The following ARFGEF3 variants were observed in gnomAD, a reference collection of about 807,000 sequenced individuals.
ARFGEF3 encodes brefeldin A-inhibited guanine nucleotide-exchange protein 3.
ARFGEF3 carries 96 observed loss-of-function variants against 221.7 expected under a neutral mutation model. The ratio of observed to expected loss-of-function variants is 0.43; its 90% CI spans 0.37 to 0.51. The LOEUF is 0.51. ARFGEF3 is among the 20% of genes least tolerant of loss of function. The pLI is 0.00. For synonymous variants in ARFGEF3, 1,145 were observed against 1,126.8 expected, an observed-to-expected ratio of 1.02 and a Z score of -0.32; for missense variants, 2,410 against 2,789.9, an observed-to-expected ratio of 0.86 and a Z score of 3.07.
chr6:138,180,853 T>A lies in ARFGEF3; in HGVS notation c.137+10140T>A, dbSNP rs141537886. Among the ~76,000 whole-genome samples, 294 of 152,212 alleles carry A rather than the reference T, an allele frequency of 1.9e-3. 1 individual carries two copies. Among genetic ancestry groups the A allele is most frequent in the African/African-American group, 6.7e-3 (277 of 41,532 alleles). On this transcript the variant is annotated intron_variant, in intron 2 of 33. Transcript: ENST00000251691. ...GAAAAATCTGTTTGCAAGGAGAGAG[T>A]GGCACATGGACTAGCGTTTAGCAGT...
At chr6:138,228,658 A>G (rs1035704139) in intron 4 of ARFGEF3, among the ~76,000 whole-genome samples, 18 of 152,198 alleles carry the variant, frequency 1.2e-4, no homozygotes, top group African/African-American at 4.1e-4. Context: ...TGAAGGAGCG[A>G]CTGTTCCTAG....
intron 13 of ARFGEF3, among the ~76,000 whole-genome samples, chr6:138,279,454 G>A (rs1583046343): frequency 1.3e-5 from 2 of 152,222 alleles, no homozygotes; most frequent in Non-Finnish European, 1.5e-5. Context: ...TGGTTGTCCT[G>A]TGGTTAGCTC....
At chr6:138,296,618 G>A (rs1386712454) in intron 20 of ARFGEF3, among the ~76,000 whole-genome samples, 192 bp from the exon 21 acceptor site, 1 of 152,142 alleles carries the variant, frequency 6.6e-6, no homozygotes, top group African/African-American at 2.4e-5. Context: ...TGGTGAGTGA[G>A]AGGACGATGC....
At chr6:138,245,479 A>C in intron 7 of ARFGEF3, 34 bp from the exon 8 acceptor site, 1 of 1,511,592 alleles carries the variant, frequency 6.6e-7, no homozygotes, top group African/African-American at 1.4e-5. Flanking sequence ...CCCCCTGTCG[A>C]TGTCTCATGC....
intron 27 of ARFGEF3, among the ~76,000 whole-genome samples, 175 bp from the exon 28 acceptor site, chr6:138,319,528 A>C (rs956623455): frequency 1.3e-5 from 2 of 152,308 alleles, no homozygotes; most frequent in African/African-American, 4.8e-5. Context: ...CCCGCAGAAA[A>C]AAAAAGGAAA....
intron 2 of ARFGEF3, among the ~76,000 whole-genome samples, chr6:138,175,108 G>C (rs1341256806): frequency 6.6e-6 from 1 of 152,280 alleles, no homozygotes; most frequent in East Asian, 1.9e-4. Context: ...TGTGCTCAAG[G>C]CTCTGTCACT....
Position 138,245,113 on chromosome 6 carries a change from C to T in ARFGEF3, c.587-400C>T, listed in dbSNP as rs2114559093. The stretch of plus-strand genomic sequence containing the variant: ...GGTCAGGAGTTCAAGACTAGCCTGG[C>T]CAACATAGTGAAACCTGTCTCGACT... On this transcript the variant is annotated intron_variant, in intron 7 of 33. Coordinates refer to ENST00000251691, the MANE Select transcript of ARFGEF3 (RefSeq NM_020340.5). Among the ~76,000 whole-genome samples the T allele has an allele frequency of 2.0e-5, 3 of 152,176 alleles. No homozygotes were observed. In the South Asian group the frequency reaches 6.2e-4, roughly 32 times the overall value.
chr6:138,303,298 A>G (rs141012382), intron 22 of ARFGEF3, among the ~76,000 whole-genome samples: 218 of 152,344 alleles, frequency 1.4e-3, no homozygotes, highest in African/African-American at 4.6e-3. Context: ...TGTTTAACAT[A>G]AAAGAAGGTA....
At chr6:138,258,457 C>T (rs1778726286) in intron 10 of ARFGEF3, among the ~76,000 whole-genome samples, 1 of 152,206 alleles carries the variant, frequency 6.6e-6, no homozygotes. Context: ...AGTCGTAAGG[C>T]TAAGACAGTG....
intron 2 of ARFGEF3, among the ~76,000 whole-genome samples, chr6:138,175,670 A>G (rs1056551740): frequency 1.3e-5 from 2 of 152,258 alleles, no homozygotes; most frequent in African/African-American, 2.4e-5. Context: ...CAACCAAGTA[A>G]TATCATAAGA....
At chr6:138,243,907 T>C (rs1048445834) in intron 7 of ARFGEF3, among the ~76,000 whole-genome samples, 8 of 152,172 alleles carry the variant, frequency 5.3e-5, no homozygotes, top group African/African-American at 1.9e-4. Context: ...GACTGGAAGG[T>C]GCCCTTTTCA....
At chr6:138,236,793 A>T (rs572513973) in intron 5 of ARFGEF3, among the ~76,000 whole-genome samples, 1 of 152,224 alleles carries the variant, frequency 6.6e-6, no homozygotes, top group East Asian at 1.9e-4. Flanking sequence ...TTTTCTAAGC[A>T]TGCATAAATT....
In ARFGEF3 at chr6:138,334,245, TCGGGGGCGCCGCCA is replaced by T; in HGVS notation, c.5400_5413del (p.Gly1801ProfsTer10). On this transcript the variant is annotated frameshift_variant, in exon 33 of 34. Coordinates refer to ENST00000251691, the MANE Select transcript of ARFGEF3 (RefSeq NM_020340.5). LOFTEE classifies it high-confidence loss of function. The surrounding 1 kb of genome is among the most constrained non-coding windows in gnomAD (Gnocchi z 5.1). ...TGCCTGCTGAAGAAAGTGTCTGGCATCGGGGGCGCCGCCAACCTCTACCGCCAGTCTGCGATGAG... is the reference window on the plus strand; with the variant it reads ...TGCCTGCTGAAGAAAGTGTCTGGCATACCTCTACCGCCAGTCTGCGATGAG... 1 of 1,613,648 alleles carries T rather than the reference TCGGGGGCGCCGCCA, an allele frequency of 6.2e-7. No homozygotes were observed. Among genetic ancestry groups the T allele is most frequent in the Non-Finnish European group, 8.5e-7 (1 of 1,179,800 alleles).
chr6:138,261,688 A>G (rs1418753125), intron 11 of ARFGEF3, 49 bp downstream of exon 11: 1 of 1,104,478 alleles, frequency 9.1e-7, no homozygotes, highest in Non-Finnish European at 1.3e-6. Context: ...TTTTCTGAAG[A>G]CTTTTAACCT....
chr6:138,325,155 T>C (rs1401063530), intron 31 of ARFGEF3, among the ~76,000 whole-genome samples: 1 of 152,218 alleles, frequency 6.6e-6, no homozygotes, highest in African/African-American at 2.4e-5. Context: ...GTAATTGAAC[T>C]GTCACATTTG....
chr6:138,164,790 C>T (rs1237168729), intron 1 of ARFGEF3, among the ~76,000 whole-genome samples: 6 of 152,204 alleles, frequency 3.9e-5, no homozygotes, highest in Non-Finnish European at 7.3e-5. Flanking sequence ...CAGTTTTGGG[C>T]TCATGAATCA....
intron 32 of ARFGEF3, among the ~76,000 whole-genome samples, chr6:138,332,332 TTTTCTTTC>T (rs748115732): frequency 1.3e-4 from 14 of 109,664 alleles, no homozygotes; most frequent in Non-Finnish European, 2.2e-4. Flanking sequence ...ACTCTCACCA[TTTTCTTTC>T]TTTCTTCCAC....
Position 138,238,565 on chromosome 6 carries a change from G to A in ARFGEF3, c.477G>A (p.Val159=), listed in dbSNP as rs778782526. 1 of 1,613,788 alleles carries A rather than the reference G, an allele frequency of 6.2e-7. No individual in the cohort carries two copies. Among genetic ancestry groups the A allele is most frequent in the Non-Finnish European group, 8.5e-7 (1 of 1,179,770 alleles). The change falls in exon 6 of 34, where the codon GTG becomes GTA. Residue 159 remains valine, a synonymous_variant. Coordinates refer to ENST00000251691, the MANE Select transcript of ARFGEF3 (RefSeq NM_020340.5). The part of the protein sequence containing the change: ...SCHQRSINTA[V]RATLSQMLSD... ...ACCAGCGTAGCATAAACACTGCTGT[G>A]CGGGCAACTCTCAGTCAAATGCTGA...
intron 32 of ARFGEF3, among the ~76,000 whole-genome samples, chr6:138,329,937 G>T (rs1459997547): frequency 6.6e-6 from 1 of 152,074 alleles, no homozygotes; most frequent in African/African-American, 2.4e-5. Context: ...GGAGATAGGG[G>T]TGGGGCCGTT....
Sources: allele counts gnomAD v4.1 joint callset (sites outside exome capture counted in the v4.1 genomes callset), GRCh38; gene constraint gnomAD v4.1.1; non-coding constraint Gnocchi (gnomAD v3.1); transcripts MANE v1.5; gene names NCBI Gene and HGNC (gene_info 2026-07-23, HGNC 2026-07-21).